CPN1: variants seen among roughly 807,000 people sequenced by gnomAD.
The protein encoded by CPN1 is carboxypeptidase N catalytic chain.
A neutral mutation model predicts 46.4 loss-of-function variants in CPN1; 37 were observed. The ratio of observed to expected loss-of-function variants is 0.80; its 90% CI spans 0.61 to 1.05. CPN1 has a LOEUF of 1.05. Ranked by LOEUF, CPN1 falls within the 50% of genes least tolerant of loss-of-function variation. The pLI is 0.00. For missense variants in CPN1, 563 were observed against 602.6 expected (o/e 0.93, Z 0.69); for synonymous variants, 224 against 235.4 (o/e 0.95, Z 0.44).
intron 4 of CPN1, among the ~76,000 whole-genome samples, 158 bp from the exon 5 acceptor site, chr10:100,063,883 C>A (rs1043888792): frequency 6.6e-6 from 1 of 151,712 alleles, no homozygotes; most frequent in Admixed American, 6.6e-5. Context: ...ATAGAAACAG[C>A]GTGTGTATGT....
intron 2 of CPN1, among the ~76,000 whole-genome samples, chr10:100,074,010 C>G (rs772334668): frequency 6.6e-6 from 1 of 151,052 alleles, no homozygotes; most frequent in East Asian, 1.9e-4. Context: ...AAAGGACCCT[C>G]GTAATTGATT....
chr10:100,064,387 A>AT (rs139611144), intron 4 of CPN1, among the ~76,000 whole-genome samples: 20 of 147,400 alleles, frequency 1.4e-4, no homozygotes, highest in African/African-American at 2.5e-4. Context: ...TTAGTATATA[A>AT]TTTTTTTTTT....
At chr10:100,061,814 A>T (rs1309086844) in intron 5 of CPN1, among the ~76,000 whole-genome samples, 1 of 151,396 alleles carries the variant, frequency 6.6e-6, no homozygotes, top group Non-Finnish European at 1.5e-5. Context: ...AAGTAACTTT[A>T]AAAAAACATT....
Position 100,081,468 on chromosome 10 carries a change from C to T in CPN1, c.158G>A (p.Arg53His), listed in dbSNP as rs2041545591. The T allele has an allele frequency of 3.1e-6, 5 of 1,613,952 alleles. No individual in the cohort carries two copies. The highest frequency in any genetic ancestry group is 3.4e-6 in the Non-Finnish European group (4 of 1,180,044). Reference sequence around the variant, plus strand: ...GTAGAGGTGTCTCCCCTCCACGCTGCGCCCAATGCTGTAGACCCGCGTGAT... The same window carrying T: ...GTAGAGGTGTCTCCCCTCCACGCTGTGCCCAATGCTGTAGACCCGCGTGAT... ...PGITRVYSIGRSVEGRHLYVL... is the reference protein window; with the variant it reads ...PGITRVYSIGHSVEGRHLYVL... Residue 53 changes from arginine (R) to histidine (H), a missense_variant, in exon 1 of 9, where the codon CGC becomes CAC. By Grantham distance (29) the Arg-to-His change is conservative (BLOSUM62 0). Transcript: ENST00000370418.
chr10:100,063,560 G>T, intron 5 of CPN1, 54 bp downstream of exon 5: 1 of 1,296,336 alleles, frequency 7.7e-7, no homozygotes, highest in African/African-American at 1.5e-5. Context: ...AATTTAGAAG[G>T]AGAAATGAGC....
At chr10:100,065,664 T>C (rs373203492) in intron 3 of CPN1, among the ~76,000 whole-genome samples, 10 of 152,142 alleles carry the variant, frequency 6.6e-5, no homozygotes, top group Admixed American at 2.0e-4. Context: ...TATGATACCA[T>C]AATGGTGGCT....
intron 1 of CPN1, among the ~76,000 whole-genome samples, chr10:100,076,704 C>T (rs1323498775): frequency 1.3e-5 from 2 of 152,326 alleles, no homozygotes; most frequent in African/African-American, 4.8e-5. Flanking sequence ...TGACCAGCTC[C>T]GCAGCGATGG....
chr10:100,042,260 T>C lies in CPN1; in HGVS notation c.*167A>G. 1.1e-6 allele frequency: 1 copy of C among 902,964 alleles called. No individual in the cohort carries two copies. The highest frequency in any genetic ancestry group is 1.7e-6 in the Non-Finnish European group (1 of 580,562). The allele number at this position is 902,964 out of a possible 1,614,324, so 55.9% of individuals were successfully genotyped here. The stretch of plus-strand genomic sequence containing the variant: ...TTTCAATAGATCCTAATTTTTTTCA[T>C]GATGACCTAGAGATGGCTTACCCCT... On this transcript the variant is annotated 3_prime_UTR_variant, in exon 9 of 9. Coordinates refer to ENST00000370418, the MANE Select transcript of CPN1 (RefSeq NM_001308.3).
At chr10:100,043,960 C>G (rs1415909995) in intron 8 of CPN1, among the ~76,000 whole-genome samples, 1 of 152,144 alleles carries the variant, frequency 6.6e-6, no homozygotes, top group African/African-American at 2.4e-5. Flanking sequence ...GTAGAACTAT[C>G]CCAGGCTGAA....
chr10:100,069,005 G>A (rs2041470115), intron 3 of CPN1, among the ~76,000 whole-genome samples: 1 of 152,228 alleles, frequency 6.6e-6, no homozygotes, highest in African/African-American at 2.4e-5. Context: ...CACTACCTGT[G>A]AGAATGTAAA....
chr10:100,058,655 T>C (rs956029190), intron 5 of CPN1, among the ~76,000 whole-genome samples: 6 of 152,196 alleles, frequency 3.9e-5, no homozygotes, highest in Admixed American at 6.5e-5. Flanking sequence ...CCCAATGATG[T>C]TTGTTGCAAA....
intron 2 of CPN1, among the ~76,000 whole-genome samples, chr10:100,074,480 ATC>A (rs2041503247): frequency 6.6e-6 from 1 of 152,128 alleles, no homozygotes; most frequent in African/African-American, 2.4e-5. Context: ...CAATGGCACG[ATC>A]TCGGCTCACC....
intron 1 of CPN1, among the ~76,000 whole-genome samples, chr10:100,081,099 G>A (rs1319513233): frequency 1.3e-5 from 2 of 152,080 alleles, no homozygotes; most frequent in African/African-American, 2.4e-5. Context: ...AAGGGGAAAA[G>A]AAAGGAAATG....
rs199635696 is a variant in CPN1 at position 100,054,396 on chromosome 10, G to A, written c.1062C>T (p.Leu354=). The A allele has an allele frequency of 1.2e-5, 19 of 1,614,068 alleles. No homozygotes were observed. In the East Asian group the frequency reaches 2.5e-4, roughly 21 times the overall value. The change falls in exon 7 of 9, where the codon CTC becomes CTT. Residue 354 remains leucine, a synonymous_variant. Coordinates refer to ENST00000370418, the MANE Select transcript of CPN1 (RefSeq NM_001308.3). ...CACTGACAGAAATGACAGCATTGGCGAGATTATTGTAATTCTCATCAAGCA... is the reference window on the plus strand; with the variant it reads ...CACTGACAGAAATGACAGCATTGGCAAGATTATTGTAATTCTCATCAAGCA... The part of the protein sequence containing the change: ...GMVLDENYNN[L]ANAVISVSGI...
chr10:100,063,968 G>C (rs921874392), intron 4 of CPN1, among the ~76,000 whole-genome samples: 1 of 152,202 alleles, frequency 6.6e-6, no homozygotes, highest in African/African-American at 2.4e-5. Flanking sequence ...GTCTAAGAGA[G>C]TGTATGTGTG....
intron 8 of CPN1, among the ~76,000 whole-genome samples, chr10:100,046,080 A>C (rs1437291064): frequency 6.6e-6 from 1 of 152,174 alleles, no homozygotes; most frequent in Non-Finnish European, 1.5e-5. Flanking sequence ...AAAATCAAAG[A>C]AGTTCTTTGC....
intron 1 of CPN1, among the ~76,000 whole-genome samples, chr10:100,078,811 AG>A (rs1339596308): frequency 2.6e-5 from 4 of 152,294 alleles, no homozygotes; most frequent in Admixed American, 1.3e-4. Flanking sequence ...CTTGACTCAA[AG>A]TAAAAGCCCA....
chr10:100,051,200 A>C (rs2041350766), intron 7 of CPN1, among the ~76,000 whole-genome samples: 1 of 152,244 alleles, frequency 6.6e-6, no homozygotes, highest in Admixed American at 6.5e-5. Flanking sequence ...ATAGCAATGA[A>C]TATTTGAAAT....
chr10:100,069,812 T>A lies in CPN1; in HGVS notation c.478A>T (p.Asn160Tyr). The A allele has an allele frequency of 6.2e-7, 1 of 1,613,946 alleles. No individual in the cohort carries two copies. The highest frequency in any genetic ancestry group is 2.2e-5 in the East Asian group (1 of 44,864). ...GTATTGAGATCAGGGAAGTTGCGGT[T>A]CAGGTCCACTCCATTTGCATTGTTC... ...GRNNANGVDL[N>Y]RNFPDLNTYI... is the part of the protein sequence containing the mutation. The change falls in exon 3 of 9, where the codon AAC becomes TAC. Residue 160 changes from asparagine to tyrosine, a missense_variant. Coordinates refer to ENST00000370418, the MANE Select transcript of CPN1 (RefSeq NM_001308.3).
Sources: allele counts gnomAD v4.1 joint callset (sites outside exome capture counted in the v4.1 genomes callset), GRCh38; gene constraint gnomAD v4.1.1; transcripts MANE v1.5; gene names NCBI Gene and HGNC (gene_info 2026-07-23, HGNC 2026-07-21).